ZNF69: variants seen among roughly 807,000 people sequenced by gnomAD.
ZNF69 encodes zinc finger protein 69.
ZNF69 carries 47 observed loss-of-function variants against 50.9 expected under a neutral mutation model. That is an observed-to-expected ratio of 0.92 (90% CI 0.73 to 1.18). ZNF69 has a LOEUF of 1.18. Ranked by LOEUF, ZNF69 falls within the 50% of genes most tolerant of loss-of-function variation. The pLI, the probability that ZNF69 is intolerant of heterozygous loss-of-function variation, is 0.00. For missense variants in ZNF69, 717 were observed against 675.1 expected (o/e 1.06, Z -0.69); for synonymous variants, 216 against 223.1 (o/e 0.97, Z 0.29).
chr19:11,950,363 G>A, the ZNF69 span: 1 of 1,125,290 alleles, frequency 8.9e-7, no homozygotes, highest in Non-Finnish European at 1.3e-6. Context: ...TATCATGAAA[G>A]GACTCACACT....
the ZNF69 span, chr19:11,947,117 A>T: frequency 6.4e-7 from 1 of 1,563,540 alleles, no homozygotes; most frequent in Non-Finnish European, 8.6e-7. Flanking sequence ...TCTTGGGAAT[A>T]GAGTCTAGGC....
At position 11,904,740 on chromosome 19, in the gene ZNF69, CAGG is replaced by C. The variant is rs1972324521; in HGVS notation, c.346_348del (p.Glu116del). The stretch of plus-strand genomic sequence containing the variant: ...GGTTCCAGATGACAGGCTGAACTTC[CAGG>C]AGAAGAAAGCTTCTCCTGAAATAAA... On this transcript the variant is annotated inframe_deletion, in exon 4 of 4. Coordinates refer to ENST00000429654, the MANE Select transcript of ZNF69 (RefSeq NM_001364730.1). 1.2e-6 allele frequency: 2 copies of C among 1,613,774 alleles called. No individual in the cohort carries two copies. Among genetic ancestry groups the C allele is most frequent in the South Asian group, 2.2e-5 (2 of 91,072 alleles).
At chr19:11,975,080 G>C in the ZNF69 span, among the ~76,000 whole-genome samples, 1,919 of 152,014 alleles carry the variant, frequency 0.013, 23 homozygotes, top group South Asian at 0.024. Flanking sequence ...TCATAGTACG[G>C]GCCAAGATGT....
the ZNF69 span, among the ~76,000 whole-genome samples, chr19:11,940,658 A>C: frequency 1.3e-5 from 2 of 152,164 alleles, no homozygotes; most frequent in Non-Finnish European, 1.5e-5. Flanking sequence ...AAGCTTCCAC[A>C]GTGTGGAAGG....
intron 1 of ZNF69, among the ~76,000 whole-genome samples, chr19:11,900,029 C>T (rs1972209468): frequency 6.6e-6 from 1 of 152,142 alleles, no homozygotes; most frequent in Non-Finnish European, 1.5e-5. Flanking sequence ...ATTGAGCTCA[C>T]TGCAGCCTCT....
chr19:11,949,765 A>G, the ZNF69 span: 5 of 1,612,176 alleles, frequency 3.1e-6, no homozygotes, highest in South Asian at 4.4e-5. Context: ...ACACCTTCGA[A>G]TGCATGAAAG....
At chr19:11,977,022 A>G in the ZNF69 span, 28 of 1,613,940 alleles carry the variant, frequency 1.7e-5, no homozygotes, top group African/African-American at 3.6e-4. Context: ...TCCTCTACAC[A>G]TGTGAGATGT....
chr19:11,925,889 T>C, the ZNF69 span, among the ~76,000 whole-genome samples: 1 of 151,928 alleles, frequency 6.6e-6, no homozygotes, highest in Non-Finnish European at 1.5e-5. Context: ...CTCAAGACAG[T>C]TTGGTTTTAT....
the ZNF69 span, chr19:11,979,161 T>C: frequency 1.9e-6 from 3 of 1,611,886 alleles, no homozygotes; most frequent in East Asian, 4.5e-5. Flanking sequence ...TTCGAAGACA[T>C]GAAAAAACTC....
chr19:11,965,355 C>A, the ZNF69 span: 2 of 1,164,740 alleles, frequency 1.7e-6, no homozygotes, highest in African/African-American at 1.5e-5. Flanking sequence ...GGCCCTCGGT[C>A]CCCTCGGCCG....
At chr19:11,947,869 T>C in the ZNF69 span, among the ~76,000 whole-genome samples, 1 of 151,952 alleles carries the variant, frequency 6.6e-6, no homozygotes. Flanking sequence ...CTGGGCATTG[T>C]GGTGTGTATG....
At chr19:11,893,548 T>A (rs1404277123) in intron 1 of ZNF69, among the ~76,000 whole-genome samples, 1 of 152,206 alleles carries the variant, frequency 6.6e-6, no homozygotes, top group Non-Finnish European at 1.5e-5. Flanking sequence ...CTAGACACAG[T>A]CACCTTATCA....
At chr19:11,916,504 A>C (rs1022934815), downstream of ZNF69, among the ~76,000 whole-genome samples, 2 of 152,172 alleles carry the variant, frequency 1.3e-5, no homozygotes, top group Non-Finnish European at 2.9e-5. Flanking sequence ...AACACCAGCT[A>C]CTCTGGTGAC....
At chr19:11,917,115 C>G, downstream of ZNF69, among the ~76,000 whole-genome samples, 1 of 152,204 alleles carries the variant, frequency 6.6e-6, no homozygotes, top group Admixed American at 6.5e-5. Context: ...TGACTTGCAT[C>G]TGCCAAGTGG....
chr19:11,937,413 A>G, the ZNF69 span, among the ~76,000 whole-genome samples: 1 of 151,980 alleles, frequency 6.6e-6, no homozygotes, highest in Non-Finnish European at 1.5e-5. Context: ...GCTGGGCTCA[A>G]ATGACCTGTC....
chr19:11,925,308 G>T, the ZNF69 span: 5 of 1,607,750 alleles, frequency 3.1e-6, no homozygotes, highest in Non-Finnish European at 3.4e-6. Context: ...TGAGACGGGG[G>T]AGGGGCTGCC....
chr19:11,932,323 A>G, the ZNF69 span, among the ~76,000 whole-genome samples: 2 of 147,820 alleles, frequency 1.4e-5, no homozygotes, highest in African/African-American at 5.3e-5. Context: ...CAGCCTGGGT[A>G]ACAGAACGAG....
At chr19:11,958,432 C>T in the ZNF69 span, among the ~76,000 whole-genome samples, 8 of 152,116 alleles carry the variant, frequency 5.3e-5, no homozygotes, top group African/African-American at 1.7e-4. Flanking sequence ...GGTTGCATGA[C>T]TGCTTAGTGC....
At chr19:11,910,035 A>C (rs1452385605), downstream of ZNF69, among the ~76,000 whole-genome samples, 1 of 151,462 alleles carries the variant, frequency 6.6e-6, no homozygotes, top group Admixed American at 6.6e-5. Context: ...CAACAGACAA[A>C]CAGAGAGCCA....
Sources: allele counts gnomAD v4.1 joint callset (sites outside exome capture counted in the v4.1 genomes callset), GRCh38; gene constraint gnomAD v4.1.1; transcripts MANE v1.5; gene names NCBI Gene and HGNC (gene_info 2026-07-23, HGNC 2026-07-21).